The following AFDN variants were observed in gnomAD, a reference collection of about 807,000 sequenced individuals.
The protein encoded by AFDN is afadin, adherens junction formation factor.
A neutral mutation model predicts 216.6 loss-of-function variants in AFDN; 68 were observed. The ratio of observed to expected loss-of-function variants is 0.31; its 90% CI spans 0.26 to 0.38. The LOEUF (loss-of-function observed/expected upper bound fraction) is 0.38. Ranked by LOEUF, AFDN falls within the 10% of genes least tolerant of loss-of-function variation. AFDN has a pLI of 1.00. For synonymous variants in AFDN, 868 were observed against 853.7 expected (o/e 1.02, Z -0.29); for missense variants, 2,136 against 2,342.0 (o/e 0.91, Z 1.82).
At position 167,896,859 on chromosome 6, in the gene AFDN, C is replaced by T. The variant is rs1428469381; in HGVS notation, c.1223-19C>T. The T allele has an allele frequency of 1.3e-6, 2 of 1,526,922 alleles. No individual in the cohort carries two copies. Among genetic ancestry groups the T allele is most frequent in the Non-Finnish European group, 1.8e-6 (2 of 1,102,334 alleles). The allele number at this position is 1,526,922 out of a possible 1,614,324, so 94.6% of individuals were successfully genotyped here. On this transcript the variant is annotated intron_variant, in intron 9 of 33. Transcript: ENST00000683244. Reference sequence around the variant, plus strand: ...TATTAGACTTTGCAAATAGAGCTGTCTTCCTTCTCTTCTCACAGATGGTTC... The same window carrying T: ...TATTAGACTTTGCAAATAGAGCTGTTTTCCTTCTCTTCTCACAGATGGTTC...
intron 23 of AFDN, among the ~76,000 whole-genome samples, chr6:167,938,981 C>A (rs1794350034): frequency 1.3e-5 from 2 of 152,236 alleles, no homozygotes; most frequent in African/African-American, 4.8e-5. Context: ...TGATATCATT[C>A]TATTTTATGA....
Position 167,971,441 on chromosome 6 carries a change from C to G in AFDN, c.*1506C>G, listed in dbSNP as rs1439856872. The G allele has an allele frequency of 5.1e-6, 1 of 196,364 alleles. No individual in the cohort carries two copies. The highest frequency in any genetic ancestry group is 2.3e-5 in the African/African-American group (1 of 43,080). 12.2% of individuals were successfully genotyped at this position (196,364 alleles called of 1,614,324 possible). A position where few individuals can be genotyped will look rare whatever the true frequency, so the allele number is the denominator to read the frequency against. ...TGCGAGTGTAAATATTTTTTTTTAC[C>G]TCTATCAGGGTTTTTATTTGAAAGT... is the stretch of plus-strand genomic sequence containing the variant. On this transcript the variant is annotated 3_prime_UTR_variant, in exon 34 of 34. Coordinates refer to ENST00000683244, the MANE Select transcript of AFDN (RefSeq NM_001386888.1).
intron 1 of AFDN, among the ~76,000 whole-genome samples, chr6:167,855,589 T>C (rs1305262123): frequency 6.6e-6 from 1 of 152,100 alleles, no homozygotes; most frequent in Non-Finnish European, 1.5e-5. Context: ...CTAGCATTCA[T>C]TGACTTTGAG....
At chr6:167,855,602 T>C (rs1296022912) in intron 1 of AFDN, among the ~76,000 whole-genome samples, 1 of 152,018 alleles carries the variant, frequency 6.6e-6, no homozygotes, top group African/African-American at 2.4e-5. Flanking sequence ...ACTTTGAGAG[T>C]ACTAGAACAG....
chr6:167,939,234 G>A (rs1794389895), intron 23 of AFDN, among the ~76,000 whole-genome samples: 1 of 152,108 alleles, frequency 6.6e-6, no homozygotes, highest in Non-Finnish European at 1.5e-5. Context: ...TTAGTAAAGG[G>A]ATGATTTTTA....
intron 26 of AFDN, among the ~76,000 whole-genome samples, chr6:167,946,094 G>C (rs528667581): frequency 6.6e-6 from 1 of 152,196 alleles, no homozygotes; most frequent in Non-Finnish European, 1.5e-5. Flanking sequence ...ACAAAACCTC[G>C]TGTGGTATTG....
Position 167,827,041 on chromosome 6 carries a change from G to T in AFDN, c.-92G>T, listed in dbSNP as rs1779158861. On this transcript the variant is annotated 5_prime_UTR_variant, in exon 1 of 34. Transcript: ENST00000683244. Reference sequence around the variant, plus strand: ...CGGAGGCGGAGGCGGCCGGCGGGGGGTGGCGAGGGGCGCCGGGCCCCCGCG... The same window carrying T: ...CGGAGGCGGAGGCGGCCGGCGGGGGTTGGCGAGGGGCGCCGGGCCCCCGCG... 2 of 493,456 alleles carry T rather than the reference G, an allele frequency of 4.1e-6. No homozygotes were observed. Among genetic ancestry groups the T allele is most frequent in the South Asian group, 8.1e-5 (1 of 12,390 alleles). The allele number at this position is 493,456 out of a possible 1,614,324, so 30.6% of individuals were successfully genotyped here.
intron 1 of AFDN, among the ~76,000 whole-genome samples, chr6:167,833,668 T>C (rs1022105113): frequency 2.6e-5 from 4 of 152,202 alleles, no homozygotes; most frequent in African/African-American, 9.7e-5. Context: ...ATTTTTTCAC[T>C]GTTAACCAGC....
chr6:167,916,060 C>T (rs561511040), intron 19 of AFDN, among the ~76,000 whole-genome samples: 12 of 152,324 alleles, frequency 7.9e-5, no homozygotes, highest in Non-Finnish European at 1.3e-4. Flanking sequence ...AAGTTGAAAT[C>T]AAGATGTCAG....
intron 2 of AFDN, among the ~76,000 whole-genome samples, chr6:167,868,548 T>C (rs1358263666): frequency 6.6e-6 from 1 of 152,184 alleles, no homozygotes; most frequent in Non-Finnish European, 1.5e-5. Context: ...TGGGGTGTGA[T>C]TATGAAGAGC....
chr6:167,969,343 C>A, intron 33 of AFDN, 145 bp downstream of exon 33: 1 of 668,806 alleles, frequency 1.5e-6, no homozygotes, highest in Non-Finnish European at 2.7e-6. Context: ...GCTATTGCCC[C>A]AAGTGTTCTT....
At chr6:167,864,886 CA>C (rs1268983073) in intron 2 of AFDN, 140 bp downstream of exon 2, 1 of 899,896 alleles carries the variant, frequency 1.1e-6, no homozygotes, top group African/African-American at 1.6e-5. Flanking sequence ...GAGTAGCTGG[CA>C]GGCTGAGAAA....
chr6:167,937,154 G>A (rs1406311249), intron 23 of AFDN, among the ~76,000 whole-genome samples: 1 of 152,182 alleles, frequency 6.6e-6, no homozygotes, highest in East Asian at 1.9e-4. Context: ...TGTGTCCACG[G>A]AAATGTCCAT....
intron 1 of AFDN, among the ~76,000 whole-genome samples, chr6:167,849,083 A>C (rs943347602): frequency 1.3e-5 from 2 of 152,156 alleles, no homozygotes; most frequent in African/African-American, 4.8e-5. Flanking sequence ...GATCTTCCTT[A>C]GGCCCCGTTT....
intron 30 of AFDN, among the ~76,000 whole-genome samples, chr6:167,956,247 T>C (rs1164627300): frequency 6.6e-6 from 1 of 151,764 alleles, no homozygotes; most frequent in Non-Finnish European, 1.5e-5. Context: ...TATGTGACTA[T>C]ATAGGGAGTG....
At chr6:167,943,716 T>G (rs528807798) in intron 25 of AFDN, among the ~76,000 whole-genome samples, 41 of 152,336 alleles carry the variant, frequency 2.7e-4, no homozygotes, top group African/African-American at 9.9e-4. Context: ...GAATATTATC[T>G]TACTATTCTT....
At chr6:167,885,430 T>G (rs1334337354) in intron 6 of AFDN, among the ~76,000 whole-genome samples, 3 of 152,182 alleles carry the variant, frequency 2.0e-5, no homozygotes, top group Non-Finnish European at 4.4e-5. Flanking sequence ...TCCTTTCACT[T>G]AGAGGTCATT....
chr6:167,875,478 A>G lies in AFDN; in HGVS notation c.722A>G (p.Asp241Gly). 6.2e-7 allele frequency: 1 copy of G among 1,613,830 alleles called. No individual in the cohort carries two copies. The highest frequency in any genetic ancestry group is 8.5e-7 in the Non-Finnish European group (1 of 1,179,848). ...EKRMQEFRSS[D>G]GRPDSGGTLR... ...AGAATGCAGGAATTTCGGAGCTCAGATGGGCGGCCTGATTCAGGTACAACT... is the reference window on the plus strand; with the variant it reads ...AGAATGCAGGAATTTCGGAGCTCAGGTGGGCGGCCTGATTCAGGTACAACT... Residue 241 changes from aspartate (D) to glycine (G), a missense_variant, in exon 5 of 34, where the codon GAT (aspartate) becomes GGT (glycine). Transcript: ENST00000683244.
At chr6:167,900,841 A>G (rs1034371372) in intron 11 of AFDN, among the ~76,000 whole-genome samples, 3 of 152,236 alleles carry the variant, frequency 2.0e-5, no homozygotes, top group Non-Finnish European at 4.4e-5. Context: ...GGGAGCCAGC[A>G]GGGCATTTCC....
Sources: gnomAD v4.1 joint callset for allele counts (sites outside exome capture counted in the v4.1 genomes callset) on GRCh38, gnomAD v4.1.1 for gene constraint, MANE v1.5 for transcripts, NCBI Gene and HGNC (gene_info 2026-07-23, HGNC 2026-07-21) for gene names.